The following SVEP1 variants were observed in gnomAD, a reference collection of about 807,000 sequenced individuals.
The protein encoded by SVEP1 is sushi, von Willebrand factor type A, EGF and pentraxin domain containing 1.
SVEP1 carries 164 observed loss-of-function variants against 367.3 expected under a neutral mutation model. That is an observed-to-expected ratio of 0.45 (90% CI 0.39 to 0.51). The LOEUF (loss-of-function observed/expected upper bound fraction) is 0.51, where lower values mean the gene tolerates loss of function less well. Ranked by LOEUF, SVEP1 falls within the 20% of genes least tolerant of loss-of-function variation. The pLI is 0.00. For synonymous variants in SVEP1, 1,666 were observed against 1,611.6 expected (o/e 1.03, Z -0.81); for missense variants, 4,117 against 4,425.3 (o/e 0.93, Z 1.98).
intron 30 of SVEP1, among the ~76,000 whole-genome samples, chr9:110,433,753 G>A (rs1460319620): frequency 6.6e-6 from 1 of 151,896 alleles, no homozygotes; most frequent in Non-Finnish European, 1.5e-5. Flanking sequence ...TTACAAATGT[G>A]AGCCACCACA....
intron 1 of SVEP1, among the ~76,000 whole-genome samples, chr9:110,550,446 T>C (rs765981745): frequency 3.9e-5 from 6 of 152,188 alleles, no homozygotes; most frequent in Non-Finnish European, 5.9e-5. Flanking sequence ...GCTCTCAAAA[T>C]ATGAACAAAA....
intron 43 of SVEP1, among the ~76,000 whole-genome samples, chr9:110,384,033 G>C (rs1437490238): frequency 2.6e-5 from 4 of 152,158 alleles, no homozygotes; most frequent in Admixed American, 1.3e-4. Flanking sequence ...AGTCATCTTA[G>C]GCAGCAGGCA....
At chr9:110,410,968 T>A (rs1353605777) in intron 37 of SVEP1, 95 bp downstream of exon 37, 2 of 1,118,054 alleles carry the variant, frequency 1.8e-6, no homozygotes, top group African/African-American at 1.6e-5. Flanking sequence ...CTTAGTGAAC[T>A]TGGCAGTGTT....
chr9:110,432,669 A>G, intron 30 of SVEP1, 34 bp from the exon 31 acceptor site: 2 of 1,575,682 alleles, frequency 1.3e-6, no homozygotes, highest in East Asian at 2.2e-5. Flanking sequence ...CAACGACATT[A>G]AGAGCAAAAT....
Position 110,407,503 on chromosome 9 carries a change from G to A in SVEP1, c.8097C>T (p.Cys2699=), listed in dbSNP as rs780779874. 1.9e-6 allele frequency: 3 copies of A among 1,613,928 alleles called. No homozygotes were observed. Among genetic ancestry groups the A allele is most frequent in the Middle Eastern group, 1.6e-4 (1 of 6,062 alleles). ...TGCCATTCCAAGTTCCATCTTCCTG[G>A]CAGATCAGCACAGGGTTCCCCAGAA... is the stretch of plus-strand genomic sequence containing the variant. The part of the protein sequence containing the change: ...YELLGNPVLI[C]QEDGTWNGSA... The change falls in exon 38 of 48, where the codon TGC becomes TGT. Residue 2699 remains cysteine (C), a synonymous_variant. Transcript: ENST00000374469.
At chr9:110,576,145 C>T (rs532939580) in intron 1 of SVEP1, among the ~76,000 whole-genome samples, 2 of 152,032 alleles carry the variant, frequency 1.3e-5, no homozygotes, top group African/African-American at 4.8e-5. Context: ...AAGAATTTGC[C>T]TTAAGGAAAT....
At chr9:110,455,414 G>A (rs751548637) in intron 22 of SVEP1, among the ~76,000 whole-genome samples, 176 bp downstream of exon 22, 4 of 152,016 alleles carry the variant, frequency 2.6e-5, no homozygotes, top group Non-Finnish European at 4.4e-5. Flanking sequence ...TTACATAACC[G>A]GAAAAGGACA....
intron 3 of SVEP1, among the ~76,000 whole-genome samples, chr9:110,542,664 C>T (rs1044987741): frequency 2.6e-5 from 4 of 152,038 alleles, no homozygotes; most frequent in African/African-American, 9.7e-5. Context: ...AGGTAGTGAC[C>T]ATATCTGTCT....
intron 6 of SVEP1, 96 bp downstream of exon 6, chr9:110,502,942 C>T (rs1291169595): frequency 1.2e-5 from 16 of 1,316,766 alleles, no homozygotes; most frequent in Non-Finnish European, 1.4e-5. Context: ...ATACTCATTA[C>T]CAGCTAGTGT....
At position 110,457,362 on chromosome 9, in the gene SVEP1, G is replaced by A. The variant is rs777186067; in HGVS notation, c.3577-10C>T. On this transcript the variant is annotated splice_polypyrimidine_tract_variant and intron_variant, in intron 20 of 47. Transcript: ENST00000374469. ...AGCATTCATGGAAAACCTACCAGTA[G>A]CATAAAAAAATCAATCAGAGACAAA... 1.4e-5 allele frequency: 22 copies of A among 1,598,558 alleles called. No homozygotes were observed. The highest frequency in any genetic ancestry group is 1.8e-5 in the Non-Finnish European group (21 of 1,171,318).
At chr9:110,532,585 C>CTAG (rs1443352686) in intron 3 of SVEP1, among the ~76,000 whole-genome samples, 5 of 152,096 alleles carry the variant, frequency 3.3e-5, no homozygotes, top group African/African-American at 4.8e-5. Context: ...TCATTCAACC[C>CTAG]TAGTAGAATC....
At position 110,404,424 on chromosome 9, in the gene SVEP1, A is replaced by G. The variant is rs1436070393; in HGVS notation, c.9569T>C (p.Ile3190Thr). 1 of 1,614,018 alleles carries G rather than the reference A, an allele frequency of 6.2e-7. No homozygotes were observed. Residue 3190 changes from isoleucine to threonine, a missense_variant, in exon 39 of 48, where the codon ATA becomes ACA. This residue lies in a region of SVEP1 where 1,765 missense variants were observed against 1,781.1 expected (regional missense o/e 0.99). Coordinates refer to ENST00000374469, the MANE Select transcript of SVEP1 (RefSeq NM_153366.4). ...KCPLPENITH[I>T]LVHGDDFSVN... The stretch of plus-strand genomic sequence containing the variant: ...ACTGAAATCGTCCCCATGTACAAGT[A>G]TATGTGTTATGTTTTCCGGGAGAGG...
In SVEP1 at chr9:110,404,544, T is replaced by G. The variant is rs1291961890; in HGVS notation, c.9449A>C (p.Glu3150Ala). Residue 3150 changes from glutamate (E) to alanine (A), a missense_variant, in exon 39 of 48, where the codon GAA becomes GCA. By Grantham distance (107) the Glu-to-Ala change is moderately radical. Coordinates refer to ENST00000374469, the MANE Select transcript of SVEP1 (RefSeq NM_153366.4). ...TGTATCTGTATCCATCGTATAACCT[T>G]CCAGACATCTGCAATGGAAATGCAA... The part of the protein sequence containing the change: ...YESEVKLRCL[E>A]GYTMDTDTDT... 1 of 1,613,944 alleles carries G rather than the reference T, an allele frequency of 6.2e-7. No individual in the cohort carries two copies. The highest frequency in any genetic ancestry group is 8.5e-7 in the Non-Finnish European group (1 of 1,179,834).
intron 5 of SVEP1, among the ~76,000 whole-genome samples, 172 bp from the exon 6 acceptor site, chr9:110,503,389 T>A (rs1386124469): frequency 6.6e-6 from 1 of 152,232 alleles, no homozygotes; most frequent in African/African-American, 2.4e-5. Flanking sequence ...AATTGAAAGT[T>A]CATGTTTTAC....
intron 40 of SVEP1, among the ~76,000 whole-genome samples, chr9:110,390,578 G>A (rs953858877): frequency 2.5e-4 from 38 of 151,232 alleles, no homozygotes; most frequent in African/African-American, 8.8e-4. Flanking sequence ...CATGATCTTG[G>A]TCTAGCAATA....
chr9:110,445,796 G>C, intron 26 of SVEP1, 41 bp downstream of exon 26: 2 of 1,607,338 alleles, frequency 1.2e-6, no homozygotes, highest in Non-Finnish European at 1.7e-6. Context: ...TCGGTTCCAA[G>C]ATAAGATCTT....
In SVEP1 at chr9:110,377,318, T is replaced by C; in HGVS notation, c.10457A>G (p.Asn3486Ser). ...CCAGCCCTCTGGACAGGAACAAGCA[T>C]TTGGGCGTTGGCAGATGCCCCCATT... ...CQNGGICQRP[N>S]ACSCPEGWMG... Residue 3486 changes from asparagine (N) to serine (S), a missense_variant, in exon 45 of 48, where the codon AAT becomes AGT. By Grantham distance (46) the Asn-to-Ser change is conservative. This residue lies in a region of SVEP1 where 1,765 missense variants were observed against 1,781.1 expected (regional missense o/e 0.99). Transcript: ENST00000374469. The C allele has an allele frequency of 6.2e-7, 1 of 1,613,804 alleles. No homozygotes were observed. Among genetic ancestry groups the C allele is most frequent in the East Asian group, 2.2e-5 (1 of 44,874 alleles).
intron 36 of SVEP1, among the ~76,000 whole-genome samples, chr9:110,426,903 T>A (rs1828261712): frequency 6.6e-6 from 1 of 152,210 alleles, no homozygotes; most frequent in South Asian, 2.1e-4. Flanking sequence ...TTTATTATCT[T>A]TTTTCCTCCC....
chr9:110,446,303 G>C (rs190859431), intron 25 of SVEP1, among the ~76,000 whole-genome samples: 6 of 152,340 alleles, frequency 3.9e-5, no homozygotes, highest in African/African-American at 7.2e-5. Context: ...AGGTGAAACT[G>C]AAATGCTACT....
Sources: gnomAD v4.1 joint callset for allele counts (sites outside exome capture counted in the v4.1 genomes callset) on GRCh38, gnomAD v4.1.1 for gene constraint, gnomAD v4.1.1 regional missense constraint, MANE v1.5 for transcripts, NCBI Gene and HGNC (gene_info 2026-07-23, HGNC 2026-07-21) for gene names.